RUNX2: variants seen among roughly 807,000 people sequenced by gnomAD.
The protein encoded by RUNX2 is runt-related transcription factor 2.
A neutral mutation model predicts 51.7 loss-of-function variants in RUNX2; 10 were observed. The observed-to-expected ratio is 0.19, with a 90% CI of 0.12 to 0.33. RUNX2 has a LOEUF of 0.33. RUNX2 is among the 10% of genes least tolerant of loss of function. The pLI is 1.00. For missense variants in RUNX2, 562 were observed against 691.3 expected (o/e 0.81, Z 2.10); for synonymous variants, 276 against 273.6 (o/e 1.01, Z -0.09).
At chr6:45,403,853 AAAAC>A (rs1797773494) in intron 2 of RUNX2, among the ~76,000 whole-genome samples, 1 of 152,202 alleles carries the variant, frequency 6.6e-6, no homozygotes, top group South Asian at 2.1e-4. Flanking sequence ...GAAATGGAGA[AAAAC>A]AAAGCAGGGG....
At chr6:45,485,196 T>C (rs543183650) in intron 5 of RUNX2, among the ~76,000 whole-genome samples, 12 of 151,610 alleles carry the variant, frequency 7.9e-5, no homozygotes, top group South Asian at 4.1e-4. Context: ...TTCTTTCTTT[T>C]TTTTTTTTTT....
intron 7 of RUNX2, among the ~76,000 whole-genome samples, chr6:45,532,162 A>ATTTTTTTTTTTTTTTTT (rs3055521): frequency 2.3e-5 from 2 of 85,120 alleles, no homozygotes; most frequent in Non-Finnish European, 2.2e-5. Context: ...GAAAACCTAG[A>ATTTTTTTTTTTTTTTTT]TTTTTTTTTT....
At chr6:45,460,431 A>G (rs1168712244) in intron 5 of RUNX2, among the ~76,000 whole-genome samples, 2 of 152,220 alleles carry the variant, frequency 1.3e-5, no homozygotes, top group Admixed American at 6.5e-5. Flanking sequence ...GCAAGGATAG[A>G]TTCAAAAGAT....
chr6:45,377,149 T>A (rs1350065573), intron 2 of RUNX2, among the ~76,000 whole-genome samples: 1 of 152,196 alleles, frequency 6.6e-6, no homozygotes, highest in African/African-American at 2.4e-5. Context: ...GCAGAGCTAA[T>A]ATGTACTGAG....
intron 2 of RUNX2, among the ~76,000 whole-genome samples, chr6:45,405,113 T>A (rs1299313517): frequency 6.6e-6 from 1 of 152,238 alleles, no homozygotes; most frequent in Non-Finnish European, 1.5e-5. Flanking sequence ...CTGCAATGAT[T>A]TAATAACTTG....
At chr6:45,452,648 G>T (rs928197707) in intron 5 of RUNX2, among the ~76,000 whole-genome samples, 1 of 152,126 alleles carries the variant, frequency 6.6e-6, no homozygotes, top group Non-Finnish European at 1.5e-5. Flanking sequence ...GAGAAACAAA[G>T]CATGTACACA....
intron 3 of RUNX2, among the ~76,000 whole-genome samples, chr6:45,431,467 C>A (rs934497182): frequency 6.6e-6 from 1 of 152,198 alleles, no homozygotes; most frequent in Non-Finnish European, 1.5e-5. Flanking sequence ...TAAGACCACA[C>A]CTCAGGGCTC....
chr6:45,359,657 T>C (rs1793887806), intron 2 of RUNX2, among the ~76,000 whole-genome samples: 3 of 152,184 alleles, frequency 2.0e-5, no homozygotes, highest in African/African-American at 2.4e-5. Flanking sequence ...ATAATTTCTA[T>C]GAAAAAGTAT....
At chr6:45,528,620 CAA>C (rs1244995164) in intron 7 of RUNX2, among the ~76,000 whole-genome samples, 2 of 137,908 alleles carry the variant, frequency 1.5e-5, no homozygotes, top group African/African-American at 5.3e-5. Context: ...GACTCTGTCT[CAA>C]AAAAAAAAAA....
At chr6:45,512,438 C>T in intron 7 of RUNX2, 31 bp downstream of exon 7, 1 of 1,612,584 alleles carries the variant, frequency 6.2e-7, no homozygotes, top group Non-Finnish European at 8.5e-7. Context: ...AAAAATCCAT[C>T]CCTGCACAGG....
At chr6:45,492,371 GTAA>G (rs1422411750) in intron 6 of RUNX2, among the ~76,000 whole-genome samples, 1 of 152,152 alleles carries the variant, frequency 6.6e-6, no homozygotes, top group Non-Finnish European at 1.5e-5. Flanking sequence ...TGGTGGAACG[GTAA>G]TAATGCACTT....
chr6:45,538,968 G>C (rs116100221), intron 7 of RUNX2, among the ~76,000 whole-genome samples: 2,393 of 151,942 alleles, frequency 0.016, 33 homozygotes, highest in Non-Finnish European at 0.025. Flanking sequence ...ATCCTTCCTA[G>C]GATTTAAAAA....
chr6:45,489,039 G>A (rs1402258120), intron 5 of RUNX2, among the ~76,000 whole-genome samples: 1 of 152,150 alleles, frequency 6.6e-6, no homozygotes. Flanking sequence ...GTTGAAATGT[G>A]AAGAACTTGT....
chr6:45,512,550 C>A, intron 7 of RUNX2, 143 bp downstream of exon 7: 2 of 891,658 alleles, frequency 2.2e-6, no homozygotes, highest in Non-Finnish European at 3.6e-6. Context: ...CAAATTAAAT[C>A]TTCTGAATTA....
intron 2 of RUNX2, among the ~76,000 whole-genome samples, chr6:45,416,338 G>C (rs184491504): frequency 1.6e-4 from 24 of 152,064 alleles, no homozygotes; most frequent in African/African-American, 5.6e-4. Flanking sequence ...TTTTCACTTT[G>C]ATGGCAGGGT....
chr6:45,423,014 G>C (rs1280327894), intron 3 of RUNX2, 57 bp downstream of exon 3: 3 of 1,585,844 alleles, frequency 1.9e-6, no homozygotes, highest in South Asian at 1.1e-5. Flanking sequence ...CTGCCCGCCG[G>C]TGTCTTCCTG....
intron 8 of RUNX2, among the ~76,000 whole-genome samples, chr6:45,546,583 A>T (rs1377447563): frequency 6.6e-6 from 1 of 152,192 alleles, no homozygotes; most frequent in African/African-American, 2.4e-5. Context: ...CCTGGCACAC[A>T]TGTGGGTTTT....
intron 2 of RUNX2, among the ~76,000 whole-genome samples, chr6:45,397,208 A>G (rs1042900165): frequency 6.6e-6 from 1 of 150,726 alleles, no homozygotes; most frequent in African/African-American, 2.4e-5. Context: ...GGTTCATGCC[A>G]TTCTCCTGCC....
chr6:45,534,682 T>G (rs960307404), intron 7 of RUNX2, among the ~76,000 whole-genome samples: 4 of 152,028 alleles, frequency 2.6e-5, no homozygotes, highest in Non-Finnish European at 5.9e-5. Context: ...ACAGGTAGAG[T>G]AAGTAGGAAA....
Sources: allele counts gnomAD v4.1 joint callset (sites outside exome capture counted in the v4.1 genomes callset), GRCh38; gene constraint gnomAD v4.1.1; transcripts MANE v1.5; gene names NCBI Gene and HGNC (gene_info 2026-07-23, HGNC 2026-07-21).